EYA2: variants seen among roughly 807,000 people sequenced by gnomAD.
The protein encoded by EYA2 is protein phosphatase EYA2.
Under a neutral mutation model 69.2 loss-of-function variants are expected in EYA2, and 31 were observed. The observed-to-expected ratio is 0.45, with a 90% CI of 0.34 to 0.60. The LOEUF (loss-of-function observed/expected upper bound fraction) is 0.60. Ranked by LOEUF, EYA2 falls within the 20% of genes least tolerant of loss-of-function variation. The probability of loss-of-function intolerance (pLI) is 0.02; values close to 1 mark genes in which losing one functional copy is unlikely to be tolerated. For missense variants in EYA2, 622 were observed against 701.2 expected (o/e 0.89, Z 1.28); for synonymous variants, 257 against 279.4 (o/e 0.92, Z 0.80).
chr20:46,971,535 G>A (rs915672200), intron 1 of EYA2, among the ~76,000 whole-genome samples: 1 of 152,214 alleles, frequency 6.6e-6, no homozygotes, highest in African/African-American at 2.4e-5. Context: ...GGGAACCTGG[G>A]AAATGTAGTC....
chr20:47,150,346 A>G (rs2033798774), intron 10 of EYA2, among the ~76,000 whole-genome samples: 1 of 152,178 alleles, frequency 6.6e-6, no homozygotes, highest in Non-Finnish European at 1.5e-5. Context: ...AAGCTCATCA[A>G]AATAAAGAGG....
chr20:46,994,963 C>G (rs1251686624), intron 2 of EYA2, among the ~76,000 whole-genome samples: 2 of 151,824 alleles, frequency 1.3e-5, no homozygotes, highest in Non-Finnish European at 2.9e-5. Flanking sequence ...CGCAGTGGCA[C>G]GATCTCGGCT....
At chr20:47,003,489 G>A (rs1203708720) in intron 3 of EYA2, among the ~76,000 whole-genome samples, 1 of 152,252 alleles carries the variant, frequency 6.6e-6, no homozygotes, top group African/African-American at 2.4e-5. Context: ...CAGGCGTGCA[G>A]ACCCAGGTAC....
intron 10 of EYA2, among the ~76,000 whole-genome samples, chr20:47,151,584 G>A (rs549828117): frequency 1.8e-4 from 27 of 151,672 alleles, no homozygotes; most frequent in Non-Finnish European, 3.2e-4. Flanking sequence ...CCCTCCTCTT[G>A]TTCTCAAGGT....
chr20:47,042,709 A>G (rs1343467142), intron 5 of EYA2, among the ~76,000 whole-genome samples: 3 of 152,130 alleles, frequency 2.0e-5, no homozygotes, highest in Admixed American at 1.3e-4. Context: ...CTGTCGGTCT[A>G]CCCTGCTATA....
intron 1 of EYA2, 121 bp from the exon 2 acceptor site, chr20:46,989,880 A>T (rs1981538979): frequency 1.9e-6 from 1 of 514,126 alleles, no homozygotes; most frequent in East Asian, 2.8e-5. Context: ...TGTAGAATTT[A>T]TAAGAAGTCT....
intron 9 of EYA2, among the ~76,000 whole-genome samples, chr20:47,103,160 T>G (rs908144746): frequency 6.6e-6 from 1 of 152,184 alleles, no homozygotes; most frequent in African/African-American, 2.4e-5. Context: ...TTCAGTAATT[T>G]TTAGTATATT....
At chr20:46,901,383 C>T (rs1362287797) in intron 1 of EYA2, 4 of 152,100 alleles carry the variant, frequency 2.6e-5, no homozygotes, top group African/African-American at 7.2e-5. Context: ...TTTTTGTTCC[C>T]ACTATGTTTT....
At chr20:46,898,394 AACACACACAC>A (rs3085766) in intron 1 of EYA2, among the ~76,000 whole-genome samples, 18 of 146,468 alleles carry the variant, frequency 1.2e-4, no homozygotes, top group African/African-American at 2.8e-4. Context: ...GTTGACAGAA[AACACACACAC>A]ACACACACAC....
intron 1 of EYA2, among the ~76,000 whole-genome samples, chr20:46,956,911 A>G (rs1400631679): frequency 6.6e-6 from 1 of 152,234 alleles, no homozygotes; most frequent in African/African-American, 2.4e-5. Flanking sequence ...ACTCTGCTTT[A>G]TAAAACCATC....
At chr20:47,089,470 G>A (rs187225367) in intron 8 of EYA2, 89 bp downstream of exon 8, 185 of 1,430,940 alleles carry the variant, frequency 1.3e-4, no homozygotes, top group Admixed American at 1.9e-4. Flanking sequence ...CTCCAAGTAC[G>A]AGGCGGAGAA....
chr20:46,987,964 C>CTCTCTCTCTCTCTATATA (rs1555809797), intron 1 of EYA2, among the ~76,000 whole-genome samples: 10 of 11,270 alleles, frequency 8.9e-4, no homozygotes, highest in African/African-American at 1.1e-3. Context: ...CTCTCTCTCT[C>CTCTCTCTCTCTCTATATA]TATATATATA....
intron 1 of EYA2, among the ~76,000 whole-genome samples, chr20:46,946,486 A>C (rs1233747800): frequency 6.6e-6 from 1 of 152,124 alleles, no homozygotes; most frequent in African/African-American, 2.4e-5. Flanking sequence ...CCTTTGTTCT[A>C]AGAACTTTTC....
At chr20:46,900,461 G>T (rs957391534) in intron 1 of EYA2, among the ~76,000 whole-genome samples, 1 of 152,176 alleles carries the variant, frequency 6.6e-6, no homozygotes, top group African/African-American at 2.4e-5. Context: ...AACCATTATT[G>T]TTTCTGCAGC....
At chr20:47,008,386 C>T (rs1220394980) in intron 4 of EYA2, among the ~76,000 whole-genome samples, 5 of 152,164 alleles carry the variant, frequency 3.3e-5, no homozygotes, top group East Asian at 1.9e-4. Flanking sequence ...CACGGGGCTC[C>T]GACGCCTGGC....
chr20:47,070,534 C>T (rs1170428952), intron 5 of EYA2, among the ~76,000 whole-genome samples: 1 of 152,216 alleles, frequency 6.6e-6, no homozygotes, highest in Non-Finnish European at 1.5e-5. Flanking sequence ...TAATTCTACT[C>T]TTAGGGATTT....
chr20:47,009,012 C>T (rs536079771), intron 4 of EYA2, among the ~76,000 whole-genome samples: 7 of 152,310 alleles, frequency 4.6e-5, no homozygotes, highest in Admixed American at 2.0e-4. Context: ...TGAATGTAAA[C>T]GAATGGGTAT....
intron 10 of EYA2, among the ~76,000 whole-genome samples, chr20:47,162,193 C>T (rs368937240): frequency 3.3e-5 from 5 of 152,252 alleles, no homozygotes; most frequent in African/African-American, 1.2e-4. Context: ...GATGAAGGCC[C>T]ACGCTAAGGT....
chr20:46,935,471 A>G (rs1471135532), intron 1 of EYA2, among the ~76,000 whole-genome samples: 1 of 152,216 alleles, frequency 6.6e-6, no homozygotes, highest in East Asian at 1.9e-4. Context: ...GTTATTAATT[A>G]CTATTGTTAC....
Sources: allele counts gnomAD v4.1 joint callset (sites outside exome capture counted in the v4.1 genomes callset), GRCh38; gene constraint gnomAD v4.1.1; transcripts MANE v1.5; gene names NCBI Gene and HGNC (gene_info 2026-07-23, HGNC 2026-07-21).